The following EPG5 variants were observed in gnomAD, a reference collection of about 807,000 sequenced individuals.
The protein encoded by EPG5 is ectopic P granules protein 5 homolog.
EPG5 carries 159 observed loss-of-function variants against 302.7 expected under a neutral mutation model. That is an observed-to-expected ratio of 0.53 (90% CI 0.46 to 0.60). The LOEUF (loss-of-function observed/expected upper bound fraction) is 0.60, where lower values mean the gene tolerates loss of function less well. EPG5 is among the 20% of genes least tolerant of loss of function. The pLI is 0.00. For synonymous variants in EPG5, 1,158 were observed against 1,136.8 expected (o/e 1.02, Z -0.37); for missense variants, 2,896 against 3,092.4 (o/e 0.94, Z 1.51).
the EPG5 span, among the ~76,000 whole-genome samples, chr18:45,800,776 C>T: frequency 6.6e-6 from 1 of 152,108 alleles, no homozygotes; most frequent in Non-Finnish European, 1.5e-5. Flanking sequence ...AACATTCCAT[C>T]CCATCAGGCT....
At chr18:45,816,663 C>T in the EPG5 span, among the ~76,000 whole-genome samples, 1 of 152,188 alleles carries the variant, frequency 6.6e-6, no homozygotes, top group East Asian at 1.9e-4. Flanking sequence ...CACTTCCACG[C>T]TGCAGTTGGG....
chr18:45,808,414 T>C, the EPG5 span, among the ~76,000 whole-genome samples: 1 of 152,258 alleles, frequency 6.6e-6, no homozygotes, highest in Admixed American at 6.5e-5. Flanking sequence ...ATCATACCTA[T>C]GCACGTTGTC....
In EPG5 at chr18:45,865,765, C is replaced by CAAAAAAAAA. The variant is rs11333207; in HGVS notation, c.6622-15_6622-7dup. 1.2e-4 allele frequency: 164 copies of CAAAAAAAAA among 1,411,546 alleles called. No individual in the cohort carries two copies. The African/African-American group carries it at 2.1e-3, about 18-fold the overall frequency. The allele number at this position is 1,411,546 out of a possible 1,614,324, so 87.4% of individuals were successfully genotyped here. A position where few individuals can be genotyped will look rare whatever the true frequency, so the allele number is the denominator to read the frequency against. ...TGGCATTTTGGAACTGCATCCTGAC[C>CAAAAAAAAA]AAAAAAAAAAAAAAAAATCATTCAA... On this transcript the variant is annotated splice_region_variant and splice_polypyrimidine_tract_variant and intron_variant, in intron 38 of 43. Transcript: ENST00000282041.
chr18:45,951,282 T>C, intron 3 of EPG5, 44 bp from the exon 4 acceptor site: 2 of 1,351,076 alleles, frequency 1.5e-6, no homozygotes, highest in Non-Finnish European at 9.6e-7. Context: ...AAATGGTGTT[T>C]TTGGGGGAAT....
In EPG5 at chr18:45,939,616, C is replaced by T. The variant is rs1203624904; in HGVS notation, c.2083G>A (p.Val695Met). Residue 695 changes from valine (V) to methionine (M), a missense_variant, in exon 10 of 44, where the codon GTG (valine) becomes ATG (methionine). By Grantham distance (21) the Val-to-Met change is conservative. Around this residue, in one of 5 missense-constraint regions of EPG5, gnomAD observed 1,390 missense variants for 1,430.0 expected, o/e 0.97. Coordinates refer to ENST00000282041, the MANE Select transcript of EPG5 (RefSeq NM_020964.3). Reference protein sequence around the residue: ...DELFLRAVLHVLKAKRLGIWL... With the variant: ...DELFLRAVLHMLKAKRLGIWL... ...CTTACTTACCTTTTGGCCTTCAGCA[C>T]ATGTAGGACAGCCCTCAAAAACAGT... The T allele has an allele frequency of 6.2e-6, 10 of 1,614,000 alleles. No individual in the cohort carries two copies. The highest frequency in any genetic ancestry group is 7.6e-6 in the Non-Finnish European group (9 of 1,180,026).
At chr18:45,811,843 T>C in the EPG5 span, among the ~76,000 whole-genome samples, 1 of 152,192 alleles carries the variant, frequency 6.6e-6, no homozygotes, top group Non-Finnish European at 1.5e-5. Flanking sequence ...AGCATTCCCT[T>C]TGAAAACTGG....
intron 43 of EPG5, among the ~76,000 whole-genome samples, chr18:45,854,992 A>C (rs942978770): frequency 6.6e-6 from 1 of 152,192 alleles, no homozygotes; most frequent in East Asian, 1.9e-4. Context: ...ACGAATGCTG[A>C]TCATCATTTT....
chr18:45,839,493 T>A, the EPG5 span, among the ~76,000 whole-genome samples: 1 of 152,088 alleles, frequency 6.6e-6, no homozygotes, highest in Admixed American at 6.5e-5. Flanking sequence ...AGGAATACAC[T>A]GATGAATATG....
chr18:45,839,343 A>T, the EPG5 span, among the ~76,000 whole-genome samples: 1 of 152,300 alleles, frequency 6.6e-6, no homozygotes, highest in South Asian at 2.1e-4. Flanking sequence ...CAGCACAGAG[A>T]TATAGAGACC....
rs114124095 is a variant in EPG5, at chr18:45,956,074, C to T, written c.64-736G>A. 5.3e-3 allele frequency among the ~76,000 whole-genome samples: 800 copies of T among 152,266 alleles called. 6 individuals carry two copies. The highest frequency in any genetic ancestry group is 0.018 in the African/African-American group (744 of 41,546). On this transcript the variant is annotated intron_variant, in intron 1 of 43. Coordinates refer to ENST00000282041, the MANE Select transcript of EPG5 (RefSeq NM_020964.3). ...TCTCCTCCCAAATATTTAATAACAA[C>T]GAACAGGAAAATAGTAAGTTTCAGT...
intron 39 of EPG5, among the ~76,000 whole-genome samples, chr18:45,862,954 T>G (rs561457963): frequency 3.7e-4 from 56 of 152,378 alleles, no homozygotes; most frequent in South Asian, 6.2e-4. Flanking sequence ...ATTTAAAAGT[T>G]TGCTTCTTAA....
chr18:45,811,740 T>A, the EPG5 span, among the ~76,000 whole-genome samples: 1,634 of 152,268 alleles, frequency 0.011, 14 homozygotes, highest in Non-Finnish European at 0.016. Context: ...AAACTCTCAA[T>A]AAATTGGGTA....
In EPG5 at chr18:45,954,908, G is replaced by A. The variant is rs201402291; in HGVS notation, c.494C>T (p.Pro165Leu). The A allele has an allele frequency of 2.3e-5, 37 of 1,613,582 alleles. No homozygotes were observed. The African/African-American group carries it at 4.5e-4, about 20-fold the overall frequency. Residue 165 changes from proline (P) to leucine (L), a missense_variant, in exon 2 of 44, where the codon CCA becomes CTA. Physicochemically the swap from Pro to Leu is moderately conservative, Grantham distance 98. Around this residue, in one of 5 missense-constraint regions of EPG5, gnomAD observed 1,390 missense variants for 1,430.0 expected, o/e 0.97. Coordinates refer to ENST00000282041, the MANE Select transcript of EPG5 (RefSeq NM_020964.3). ...APQSNFSYTQ[P>L]AMENIQVRET... ...TCTGACTTGTATATTTTCCATTGCT[G>A]GCTGAGTATAAGAAAAATTAGATTG...
intron 39 of EPG5, among the ~76,000 whole-genome samples, chr18:45,864,804 T>C (rs1339638115): frequency 6.6e-6 from 1 of 152,242 alleles, no homozygotes; most frequent in African/African-American, 2.4e-5. Context: ...CAAAACCACA[T>C]GAGGGTCAGC....
At chr18:45,854,423 T>C (rs1003716085) in intron 43 of EPG5, among the ~76,000 whole-genome samples, 10 of 152,218 alleles carry the variant, frequency 6.6e-5, no homozygotes, top group Non-Finnish European at 1.2e-4. Flanking sequence ...GAGACAGCCC[T>C]GCAGAGCAGG....
Position 45,880,060 on chromosome 18 carries a change from C to G in EPG5, c.5667+15G>C. ...AAGAAATGCACAAACACGTCAGAGA[C>G]CAAAGGCTACACACCTGCTTGTCTG... On this transcript the variant is annotated intron_variant, in intron 32 of 43. Coordinates refer to ENST00000282041, the MANE Select transcript of EPG5 (RefSeq NM_020964.3). 1.3e-6 allele frequency: 2 copies of G among 1,539,774 alleles called. No homozygotes were observed. The highest frequency in any genetic ancestry group is 1.8e-6 in the Non-Finnish European group (2 of 1,139,992).
intron 4 of EPG5, 70 bp downstream of exon 4, chr18:45,951,032 T>C (rs2143720217): frequency 1.6e-6 from 2 of 1,252,736 alleles, no homozygotes; most frequent in South Asian, 2.2e-5. Flanking sequence ...AATGTAATGA[T>C]ATAACAGATA....
intron 36 of EPG5, among the ~76,000 whole-genome samples, chr18:45,868,742 C>CT (rs1291567027): frequency 6.6e-6 from 1 of 151,274 alleles, no homozygotes; most frequent in Non-Finnish European, 1.5e-5. Flanking sequence ...TTTTTGATGA[C>CT]TGCATGTTTA....
chr18:45,801,837 G>A, the EPG5 span, among the ~76,000 whole-genome samples: 1 of 152,106 alleles, frequency 6.6e-6, no homozygotes, highest in South Asian at 2.1e-4. Flanking sequence ...GAGTTCAGAT[G>A]GCAGTTACAG....
Sources: gnomAD v4.1 joint callset for allele counts (sites outside exome capture counted in the v4.1 genomes callset) on GRCh38, gnomAD v4.1.1 for gene constraint, gnomAD v4.1.1 regional missense constraint, MANE v1.5 for transcripts, NCBI Gene and HGNC (gene_info 2026-07-23, HGNC 2026-07-21) for gene names.